Variants in ALMS1 observed in about 807,000 individuals in gnomAD.
ALMS1 encodes ALMS1 centrosome and basal body associated protein.
In ALMS1, 271 loss-of-function variants were observed where a neutral mutation model predicts 352.2. That is an observed-to-expected ratio of 0.77 (90% CI 0.70 to 0.85). The LOEUF is 0.85. ALMS1 is among the 40% of genes least tolerant of loss of function. The pLI is 0.00. For synonymous variants in ALMS1, 1,865 were observed against 1,761.2 expected, an observed-to-expected ratio of 1.06 and a Z score of -1.48; for missense variants, 5,445 against 4,870.7, an observed-to-expected ratio of 1.12 and a Z score of -3.51.
intron 9 of ALMS1, among the ~76,000 whole-genome samples, chr2:73,479,089 T>C (rs999017918): frequency 4.6e-5 from 7 of 152,180 alleles, no homozygotes; most frequent in Admixed American, 3.9e-4. Context: ...CAGTCTATCA[T>C]TGATGGGCAA....
chr2:73,412,219 C>G (rs1291138361), intron 2 of ALMS1, among the ~76,000 whole-genome samples: 3 of 152,206 alleles, frequency 2.0e-5, no homozygotes, highest in Non-Finnish European at 4.4e-5. Context: ...AGGAACGTCA[C>G]AAAAAGTTCC....
intron 16 of ALMS1, among the ~76,000 whole-genome samples, chr2:73,587,838 T>C (rs951929569): frequency 2.0e-5 from 3 of 152,118 alleles, no homozygotes; most frequent in African/African-American, 7.2e-5. Context: ...ATGGGAGATA[T>C]TACAACCAAT....
chr2:73,415,362 G>A (rs964519625), intron 2 of ALMS1, among the ~76,000 whole-genome samples: 1 of 152,138 alleles, frequency 6.6e-6, no homozygotes, highest in African/African-American at 2.4e-5. Flanking sequence ...ATTCAGTAAT[G>A]AGAGAAAAAT....
chr2:73,504,197 T>C (rs924912954), intron 10 of ALMS1, among the ~76,000 whole-genome samples: 4 of 152,132 alleles, frequency 2.6e-5, no homozygotes, highest in African/African-American at 9.7e-5. Flanking sequence ...AACCAGTAAA[T>C]TGATATTGGC....
chr2:73,497,202 A>G (rs965935524), intron 10 of ALMS1, among the ~76,000 whole-genome samples: 3 of 152,102 alleles, frequency 2.0e-5, no homozygotes, highest in Admixed American at 6.5e-5. Flanking sequence ...ATTGTTTTCT[A>G]TGTAAGAACA....
intron 9 of ALMS1, among the ~76,000 whole-genome samples, chr2:73,484,870 C>T (rs149167304): frequency 0.044 from 6,684 of 152,290 alleles, 365 homozygotes; most frequent in African/African-American, 0.11. Flanking sequence ...ATGGCATCGG[C>T]TCTTGAGGCT....
chr2:73,609,780 A>C lies in ALMS1; in HGVS notation c.*168A>C. On this transcript the variant is annotated 3_prime_UTR_variant, in exon 23 of 23. Transcript: ENST00000613296. Reference sequence around the variant, plus strand: ...AACAAAGTGGTGATTAAAATTCCTAATGGTTTGGGAGCAATACTTTCTGCA... The same window carrying C: ...AACAAAGTGGTGATTAAAATTCCTACTGGTTTGGGAGCAATACTTTCTGCA... 1 of 687,842 alleles carries C rather than the reference A, an allele frequency of 1.5e-6. No individual in the cohort carries two copies. The highest frequency in any genetic ancestry group is 2.5e-6 in the Non-Finnish European group (1 of 395,366). The allele number at this position is 687,842 out of a possible 1,614,324, so 42.6% of individuals were successfully genotyped here.
chr2:73,451,288 T>A lies in ALMS1; in HGVS notation c.4761T>A (p.Asp1587Glu). The A allele has an allele frequency of 6.2e-7, 1 of 1,613,764 alleles. No individual in the cohort carries two copies. The highest frequency in any genetic ancestry group is 8.5e-7 in the Non-Finnish European group (1 of 1,179,904). ...TTAACTACAAACAGGCCTTTCCAGA[T>A]GGTCATCTACCTGAAGAGGCTCTGA... is the stretch of plus-strand genomic sequence containing the variant. ...PIVNYKQAFPDGHLPEEALKV... is the reference protein window; with the variant it reads ...PIVNYKQAFPEGHLPEEALKV... Residue 1587 changes from aspartate (D) to glutamate (E), a missense_variant, in exon 8 of 23, where the codon GAT becomes GAA. Coordinates refer to ENST00000613296, the MANE Select transcript of ALMS1 (RefSeq NM_001378454.1).
At chr2:73,492,062 G>A (rs1378083262) in intron 10 of ALMS1, among the ~76,000 whole-genome samples, 1 of 152,138 alleles carries the variant, frequency 6.6e-6, no homozygotes, top group Non-Finnish European at 1.5e-5. Context: ...CTGATATGAT[G>A]CCCCACCTCA....
In ALMS1 at chr2:73,452,060, A is replaced by G; in HGVS notation, c.5533A>G (p.Ile1845Val). ...GPADQKTGIN[I>V]LPSNSYPQRE... Reference sequence around the variant, plus strand: ...AGCTGACCAGAAGACTGGAATAAACATCCTGCCCTCTAATTCCTACCCACA... The same window carrying G: ...AGCTGACCAGAAGACTGGAATAAACGTCCTGCCCTCTAATTCCTACCCACA... Residue 1845 changes from isoleucine (I) to valine (V), a missense_variant, in exon 8 of 23, where the codon ATC (isoleucine) becomes GTC (valine). Ile to Val is a conservative substitution (Grantham distance 29, BLOSUM62 3). Coordinates refer to ENST00000613296, the MANE Select transcript of ALMS1 (RefSeq NM_001378454.1). 1 of 1,614,108 alleles carries G rather than the reference A, an allele frequency of 6.2e-7. No individual in the cohort carries two copies. The highest frequency in any genetic ancestry group is 2.2e-5 in the East Asian group (1 of 44,872).
chr2:73,525,633 T>C (rs1673774255), intron 11 of ALMS1, among the ~76,000 whole-genome samples: 1 of 152,154 alleles, frequency 6.6e-6, no homozygotes, highest in African/African-American at 2.4e-5. Flanking sequence ...TATTAGATTT[T>C]TTTTTTCCTA....
intron 15 of ALMS1, among the ~76,000 whole-genome samples, chr2:73,561,785 C>T (rs954366338): frequency 6.6e-6 from 1 of 151,840 alleles, no homozygotes; most frequent in African/African-American, 2.4e-5. Flanking sequence ...TGCAACTTTG[C>T]AGGGGTTAGT....
At chr2:73,592,479 A>G (rs1038563763) in intron 16 of ALMS1, among the ~76,000 whole-genome samples, 1 of 152,210 alleles carries the variant, frequency 6.6e-6, no homozygotes, top group Non-Finnish European at 1.5e-5. Context: ...TTTTGGTGCC[A>G]TAGACTATAT....
At chr2:73,583,037 C>CT (rs1470718808) in intron 16 of ALMS1, among the ~76,000 whole-genome samples, 1 of 132,342 alleles carries the variant, frequency 7.6e-6, no homozygotes, top group African/African-American at 3.5e-5. Flanking sequence ...CTTACCAACA[C>CT]TTGTTTTTTT....
At chr2:73,552,037 G>A (rs1674447439) in intron 13 of ALMS1, among the ~76,000 whole-genome samples, 1 of 152,062 alleles carries the variant, frequency 6.6e-6, no homozygotes, top group Non-Finnish European at 1.5e-5. Context: ...AATGAGATCT[G>A]CATGGTTTTT....
intron 16 of ALMS1, among the ~76,000 whole-genome samples, chr2:73,595,253 A>G (rs537398995): frequency 1.3e-5 from 2 of 152,280 alleles, no homozygotes; most frequent in South Asian, 2.1e-4. Flanking sequence ...GAGTTTTGCA[A>G]TCATCACCAA....
chr2:73,516,156 AAAG>A (rs1456110027), intron 10 of ALMS1, among the ~76,000 whole-genome samples: 1 of 152,178 alleles, frequency 6.6e-6, no homozygotes, highest in Non-Finnish European at 1.5e-5. Flanking sequence ...ACGCTTCTCA[AAAG>A]AAGACATACT....
intron 15 of ALMS1, among the ~76,000 whole-genome samples, chr2:73,564,465 C>CAAAAAAAAAAAAAAAAAAAAAAAAA (rs367797062): frequency 1.6e-5 from 1 of 63,362 alleles, no homozygotes; most frequent in African/African-American, 5.3e-5. Flanking sequence ...GACTCCGTCT[C>CAAAAAAAAAAAAAAAAAAAAAAAAA]AAAAAAAAAA....
At chr2:73,537,704 A>G (rs892417265) in intron 12 of ALMS1, among the ~76,000 whole-genome samples, 1 of 152,162 alleles carries the variant, frequency 6.6e-6, no homozygotes, top group Non-Finnish European at 1.5e-5. Context: ...GAGTTGGCGC[A>G]TTGTATTACT....
Sources: gnomAD v4.1 joint callset for allele counts (sites outside exome capture counted in the v4.1 genomes callset) on GRCh38, gnomAD v4.1.1 for gene constraint, MANE v1.5 for transcripts, NCBI Gene and HGNC (gene_info 2026-07-23, HGNC 2026-07-21) for gene names.